ANKS4B: variants seen among roughly 807,000 people sequenced by gnomAD.
The protein encoded by ANKS4B is ankyrin repeat and SAM domain-containing protein 4B.
ANKS4B carries 21 observed loss-of-function variants against 20.2 expected under a neutral mutation model. That is an observed-to-expected ratio of 1.04 (90% confidence interval 0.74 to 1.50). The LOEUF (loss-of-function observed/expected upper bound fraction) is 1.50, where lower values mean the gene tolerates loss of function less well. Among genes scored for constraint, ANKS4B ranks in the 40% most tolerant of loss-of-function variants. ANKS4B has a pLI of 0.00. For missense variants in ANKS4B, 473 were observed against 494.6 expected (o/e 0.96, Z 0.41); for synonymous variants, 179 against 194.5 (o/e 0.92, Z 0.66).
chr16:21,235,045 G>C (rs2093318609), intron 1 of ANKS4B, among the ~76,000 whole-genome samples: 1 of 152,104 alleles, frequency 6.6e-6, no homozygotes, highest in Non-Finnish European at 1.5e-5. Flanking sequence ...ATGGGGTTTT[G>C]CCATGTTGCC....
At chr16:21,234,101 C>T (rs1468929967) in intron 1 of ANKS4B, among the ~76,000 whole-genome samples, 200 bp downstream of exon 1, 2 of 152,202 alleles carry the variant, frequency 1.3e-5, no homozygotes, top group African/African-American at 4.8e-5. Flanking sequence ...ATAGGAGTGG[C>T]TCATCCCTTA....
chr16:21,235,972 T>G (rs746377413), intron 1 of ANKS4B, among the ~76,000 whole-genome samples: 1 of 152,330 alleles, frequency 6.6e-6, no homozygotes, highest in African/African-American at 2.4e-5. Context: ...TTCCACAAAC[T>G]GCAAGATGTC....
rs1360273729 is a variant in ANKS4B, at chr16:21,250,518, G to A, written c.952G>A (p.Glu318Lys). ...AGAGGCTGATGAGGGTGCAGCTGAT[G>A]AAGAGGGAGAGGAAAACGGCCTCAA... Reference protein sequence around the residue: ...ASEADEGAADEEGEENGLKDD... With the variant: ...ASEADEGAADKEGEENGLKDD... Residue 318 changes from glutamate (E) to lysine (K), a missense_variant, in exon 2 of 2, where the codon GAA (glutamate) becomes AAA (lysine). Glu to Lys is a moderately conservative substitution (Grantham distance 56, BLOSUM62 1). Coordinates refer to ENST00000311620, the MANE Select transcript of ANKS4B (RefSeq NM_145865.3). The A allele has an allele frequency of 5.0e-6, 8 of 1,614,094 alleles. No homozygotes were observed. The highest frequency in any genetic ancestry group is 8.5e-7 in the Non-Finnish European group (1 of 1,180,048).
At chr16:21,244,491 C>A (rs1422937950) in intron 1 of ANKS4B, among the ~76,000 whole-genome samples, 1 of 151,934 alleles carries the variant, frequency 6.6e-6, no homozygotes, top group African/African-American at 2.4e-5. Context: ...TACATTTAAC[C>A]CGGACACCTT....
chr16:21,233,933 C>G, intron 1 of ANKS4B, 32 bp downstream of exon 1: 1 of 1,593,372 alleles, frequency 6.3e-7, no homozygotes, highest in South Asian at 1.1e-5. Flanking sequence ...CTGTTGGAAA[C>G]AGTGTTCATG....
At position 21,250,898 on chromosome 16, in the gene ANKS4B, C is replaced by G; in HGVS notation, c.*78C>G. The G allele has an allele frequency of 6.6e-7, 1 of 1,505,096 alleles. No homozygotes were observed. The highest frequency in any genetic ancestry group is 8.9e-7 in the Non-Finnish European group (1 of 1,124,454). 93.2% of individuals were successfully genotyped at this position (1,505,096 alleles called of 1,614,324 possible). The stretch of plus-strand genomic sequence containing the variant: ...CTCCAGGCGGCACCCCCTCTTTACC[C>G]AATGCCAGACCACTGGGAATGGATT... On this transcript the variant is annotated 3_prime_UTR_variant, in exon 2 of 2. Transcript: ENST00000311620.
chr16:21,234,522 C>CACACACACACG (rs1380262253), intron 1 of ANKS4B, among the ~76,000 whole-genome samples: 4 of 121,362 alleles, frequency 3.3e-5, no homozygotes, highest in South Asian at 3.2e-4. Context: ...ACACACACAC[C>CACACACACACG]CCATCTCTTT....
rs763214302 is a variant in ANKS4B, at chr16:21,250,610, G to C, written c.1044G>C (p.Leu348=). ...AAGATGTGGTCGATGCCACGCCCCT[G>C]GAAGTGTTCTTGCTGTCTCAGCACC... ...WEEDVVDATP[L]EVFLLSQHLE... The change falls in exon 2 of 2, where the codon CTG becomes CTC. Residue 348 remains leucine (L), a synonymous_variant. Coordinates refer to ENST00000311620, the MANE Select transcript of ANKS4B (RefSeq NM_145865.3). The C allele has an allele frequency of 1.2e-6, 2 of 1,614,092 alleles. No individual in the cohort carries two copies. Among genetic ancestry groups the C allele is most frequent in the Non-Finnish European group, 1.7e-6 (2 of 1,180,000 alleles).
chr16:21,249,580 T>A, intron 1 of ANKS4B, 151 bp from the exon 2 acceptor site: 1 of 903,208 alleles, frequency 1.1e-6, no homozygotes. Flanking sequence ...ACAGTTGGAC[T>A]TGCAGCCAGT....
chr16:21,240,525 A>T (rs550795074), intron 1 of ANKS4B, among the ~76,000 whole-genome samples: 27 of 152,268 alleles, frequency 1.8e-4, no homozygotes, highest in African/African-American at 6.0e-4. Context: ...AAAGAAATAC[A>T]TACTTATTGT....
In ANKS4B at chr16:21,251,092, G is replaced by C. The variant is rs564903818; in HGVS notation, c.*272G>C. The C allele has an allele frequency of 9.5e-5, 30 of 314,768 alleles. No homozygotes were observed. The highest frequency in any genetic ancestry group is 6.1e-4 in the African/African-American group (29 of 47,908). The allele number at this position is 314,768 out of a possible 1,614,324, so 19.5% of individuals were successfully genotyped here. A position where few individuals can be genotyped will look rare whatever the true frequency, so the allele number is the denominator to read the frequency against. The stretch of plus-strand genomic sequence containing the variant: ...TGTACATATAATTGTTTTTGTGGTT[G>C]TTTTGTTTTGTTTTGTTTTGTTTTT... On this transcript the variant is annotated 3_prime_UTR_variant, in exon 2 of 2. Transcript: ENST00000311620.
At chr16:21,234,037 A>G in intron 1 of ANKS4B, 136 bp downstream of exon 1, 1 of 921,738 alleles carries the variant, frequency 1.1e-6, no homozygotes, top group Non-Finnish European at 1.5e-6. Flanking sequence ...TTTTTAGAGA[A>G]AGAGAGAAAA....
intron 1 of ANKS4B, among the ~76,000 whole-genome samples, chr16:21,247,012 A>AGTGTAGAT (rs1442963339): frequency 1.3e-5 from 2 of 151,852 alleles, no homozygotes; most frequent in African/African-American, 4.8e-5. Context: ...ATCTTGCTAA[A>AGTGTAGAT]GTGTAGATTC....
intron 1 of ANKS4B, among the ~76,000 whole-genome samples, chr16:21,245,827 A>G (rs1160366600): frequency 6.6e-6 from 1 of 152,226 alleles, no homozygotes; most frequent in Non-Finnish European, 1.5e-5. Context: ...AGTTGAATAC[A>G]AGGAAAAATA....
chr16:21,236,273 T>C, intron 1 of ANKS4B, among the ~76,000 whole-genome samples: 1 of 152,144 alleles, frequency 6.6e-6, no homozygotes, highest in East Asian at 1.9e-4. Flanking sequence ...GGAATGGTGC[T>C]AAACCATTCA....
Position 21,250,843 on chromosome 16 carries a change from T to C in ANKS4B, c.*23T>C, listed in dbSNP as rs745831848. On this transcript the variant is annotated 3_prime_UTR_variant, in exon 2 of 2. Coordinates refer to ENST00000311620, the MANE Select transcript of ANKS4B (RefSeq NM_145865.3). ...TGATGGAGAGTTTTGGCCTGGAGCA[T>C]TGGGGTGATGCTGTGGCCCGCTGGC... 17 of 1,566,226 alleles carry C rather than the reference T, an allele frequency of 1.1e-5. No individual in the cohort carries two copies. The highest frequency in any genetic ancestry group is 5.4e-5 in the African/African-American group (4 of 73,888).
At chr16:21,240,799 T>G (rs1482817293) in intron 1 of ANKS4B, among the ~76,000 whole-genome samples, 1 of 151,984 alleles carries the variant, frequency 6.6e-6, no homozygotes, top group Non-Finnish European at 1.5e-5. Context: ...CAACTTTTTT[T>G]TTTTTGTGAG....
intron 1 of ANKS4B, 29 bp from the exon 2 acceptor site, chr16:21,249,700 CAT>C: frequency 6.5e-7 from 1 of 1,550,280 alleles, no homozygotes; most frequent in Non-Finnish European, 8.7e-7. Context: ...AAAAGTCCAA[CAT>C]GTATTTTTTT....
intron 1 of ANKS4B, among the ~76,000 whole-genome samples, chr16:21,242,536 G>A (rs1026452819): frequency 5.3e-5 from 8 of 152,096 alleles, no homozygotes; most frequent in African/African-American, 1.7e-4. Flanking sequence ...TGTGGTATTC[G>A]TCTTTCTGTG....
Sources: allele counts gnomAD v4.1 joint callset (sites outside exome capture counted in the v4.1 genomes callset), GRCh38; gene constraint gnomAD v4.1.1; transcripts MANE v1.5; gene names NCBI Gene and HGNC (gene_info 2026-07-23, HGNC 2026-07-21).